ZNF33A: variants seen among roughly 807,000 people sequenced by gnomAD.
The protein encoded by ZNF33A is zinc finger protein 33A, also known as brain my041 protein.
ZNF33A carries 9 observed loss-of-function variants against 15.9 expected under a neutral mutation model. That is an observed-to-expected ratio of 0.57 (90% CI 0.34 to 0.99). The LOEUF (loss-of-function observed/expected upper bound fraction) is 0.99. Among genes scored for constraint, ZNF33A ranks in the 50% least tolerant of loss-of-function variants. ZNF33A has a pLI of 0.02. For synonymous variants in ZNF33A, 294 were observed against 324.2 expected (o/e 0.91, Z 1.00); for missense variants, 843 against 941.6 (o/e 0.90, Z 1.37).
chr10:38,050,184 C>T (rs1361300898), intron 4 of ZNF33A, among the ~76,000 whole-genome samples: 4 of 152,132 alleles, frequency 2.6e-5, no homozygotes, highest in East Asian at 1.9e-4. Flanking sequence ...AATAACAAAA[C>T]GAGACAAAGA....
chr10:38,017,950 TG>T (rs1317275758), intron 4 of ZNF33A, among the ~76,000 whole-genome samples: 3 of 152,020 alleles, frequency 2.0e-5, no homozygotes, highest in Admixed American at 2.0e-4. Flanking sequence ...CTAAATTAGC[TG>T]GGTGTGGTGG....
downstream of ZNF33A, among the ~76,000 whole-genome samples, chr10:38,067,476 G>T (rs1463126365): frequency 6.6e-6 from 1 of 152,206 alleles, no homozygotes; most frequent in Non-Finnish European, 1.5e-5. Context: ...TCTTTGTTGA[G>T]ATTCTCTTGG....
chr10:38,060,141 AC>A (rs1418773020), downstream of ZNF33A: 5 of 917,786 alleles, frequency 5.4e-6, no homozygotes, highest in African/African-American at 8.9e-5. Context: ...TCATTAGTGA[AC>A]AATTGAATTG....
chr10:38,014,105 G>A (rs1228876386), intron 2 of ZNF33A, among the ~76,000 whole-genome samples: 3 of 137,636 alleles, frequency 2.2e-5, no homozygotes, highest in South Asian at 2.3e-4. Context: ...TGCAGTGTGC[G>A]ATCTTGGCTC....
chr10:38,063,309 G>A (rs147589983), downstream of ZNF33A, among the ~76,000 whole-genome samples: 179 of 152,242 alleles, frequency 1.2e-3, no homozygotes, highest in East Asian at 7.5e-3. Context: ...TTAAGGCACC[G>A]GTGGAAGCAG....
At chr10:38,019,173 C>T (rs1456737939) in intron 4 of ZNF33A, among the ~76,000 whole-genome samples, 1 of 147,200 alleles carries the variant, frequency 6.8e-6, no homozygotes, top group Non-Finnish European at 1.5e-5. Flanking sequence ...GTGTGATGTT[C>T]CCCTTCCTGT....
chr10:38,066,018 G>A (rs1590739669), downstream of ZNF33A, among the ~76,000 whole-genome samples: 1 of 152,200 alleles, frequency 6.6e-6, no homozygotes, highest in South Asian at 2.1e-4. Flanking sequence ...TCTGGGATTT[G>A]ATGTAGCACT....
chr10:38,039,788 A>G (rs536511898), intron 4 of ZNF33A, among the ~76,000 whole-genome samples: 1 of 151,146 alleles, frequency 6.6e-6, no homozygotes, highest in East Asian at 1.9e-4. Flanking sequence ...TTCTTTTTCA[A>G]TGTCAGTCTA....
intron 1 of ZNF33A, among the ~76,000 whole-genome samples, chr10:38,011,678 A>G (rs953831213): frequency 5.9e-5 from 9 of 152,232 alleles, no homozygotes; most frequent in African/African-American, 2.2e-4. Flanking sequence ...CTTGTTCAGG[A>G]TCACAGTTAG....
chr10:38,013,612 C>G (rs1230117162), intron 2 of ZNF33A, among the ~76,000 whole-genome samples: 1 of 151,618 alleles, frequency 6.6e-6, no homozygotes, highest in East Asian at 1.9e-4. Flanking sequence ...GCACGCACCA[C>G]CATACCCAGC....
chr10:38,022,657 C>CAAAAAAA (rs35295191), intron 4 of ZNF33A, among the ~76,000 whole-genome samples: 1 of 90,928 alleles, frequency 1.1e-5, no homozygotes, highest in African/African-American at 4.2e-5. Context: ...AACTCTGTCT[C>CAAAAAAA]AAAAAAAAAA....
rs536855047 is a variant in ZNF33A at position 38,034,353 on chromosome 10, G to C, written c.250+16967G>C. Among the ~76,000 whole-genome samples, 312 of 152,228 alleles carry C rather than the reference G, an allele frequency of 2.0e-3. 2 individuals carry two copies. The highest frequency in any genetic ancestry group is 7.2e-3 in the African/African-American group (301 of 41,546). The stretch of plus-strand genomic sequence containing the variant: ...TCCTCTTGGCTATGGTGGTTTCCCA[G>C]ACTTTCCTTGTTTTGGATGACCTTG... On this transcript the variant is annotated intron_variant, in intron 4 of 4. Transcript: ENST00000432900.
downstream of ZNF33A, among the ~76,000 whole-genome samples, chr10:38,062,723 G>A (rs115191521): frequency 0.02 from 3,103 of 151,556 alleles, 104 homozygotes; most frequent in African/African-American, 0.071. Flanking sequence ...AAAACAAAAG[G>A]CTGGGTGCGG....
chr10:38,048,101 A>G (rs2066038508), intron 4 of ZNF33A, among the ~76,000 whole-genome samples: 2 of 152,234 alleles, frequency 1.3e-5, no homozygotes, highest in African/African-American at 4.8e-5. Flanking sequence ...AGAAGTAAGG[A>G]CATTCCAGTT....
In ZNF33A at chr10:38,057,870, C is replaced by T. The variant is rs1047251567; in HGVS notation, c.*1310C>T. 3.0e-6 allele frequency: 3 copies of T among 985,310 alleles called. No homozygotes were observed. Among genetic ancestry groups the T allele is most frequent in the Non-Finnish European group, 3.6e-6 (3 of 829,956 alleles). 61.0% of individuals were successfully genotyped at this position (985,310 alleles called of 1,614,324 possible). A position where few individuals can be genotyped will look rare whatever the true frequency, so the allele number is the denominator to read the frequency against. On this transcript the variant is annotated 3_prime_UTR_variant, in exon 5 of 5. Coordinates refer to ENST00000432900, the MANE Select transcript of ZNF33A (RefSeq NM_006954.2). ...GGGCTGCCCAGGGCTGTTGGACTGT[C>T]ATTTCAAGGCTCATTGTCCCCAGAC...
downstream of ZNF33A, chr10:38,065,227 T>C (rs1487525639): frequency 6.6e-6 from 1 of 152,058 alleles, no homozygotes; most frequent in Non-Finnish European, 1.5e-5. Context: ...CACACCATCG[T>C]GCCCTGGCTA....
chr10:38,027,416 C>A (rs2065032538), intron 4 of ZNF33A, among the ~76,000 whole-genome samples: 2 of 151,846 alleles, frequency 1.3e-5, no homozygotes, highest in South Asian at 4.2e-4. Context: ...TGCAGTGGTA[C>A]AATTACGGCT....
intron 4 of ZNF33A, among the ~76,000 whole-genome samples, chr10:38,048,128 T>G (rs1301231847): frequency 6.6e-6 from 1 of 152,150 alleles, no homozygotes; most frequent in African/African-American, 2.4e-5. Context: ...AGCTGAAAGA[T>G]TTCCTCTCCA....
At chr10:38,022,020 A>T (rs1328969104) in intron 4 of ZNF33A, among the ~76,000 whole-genome samples, 1 of 152,214 alleles carries the variant, frequency 6.6e-6, no homozygotes, top group East Asian at 1.9e-4. Context: ...ATGGCACTAA[A>T]TGCTGACAGT....
Sources: allele counts gnomAD v4.1 joint callset (sites outside exome capture counted in the v4.1 genomes callset), GRCh38; gene constraint gnomAD v4.1.1; transcripts MANE v1.5; gene names NCBI Gene and HGNC (gene_info 2026-07-23, HGNC 2026-07-21).